Variants in GLDC observed in about 807,000 individuals in gnomAD.
GLDC encodes the protein glycine dehydrogenase (decarboxylating), mitochondrial.
GLDC carries 104 observed loss-of-function variants against 121.3 expected under a neutral mutation model. That is an observed-to-expected ratio of 0.86 (90% CI 0.73 to 1.01). GLDC has a LOEUF of 1.01. Ranked by LOEUF, GLDC falls within the 50% of genes least tolerant of loss-of-function variation. The probability of loss-of-function intolerance (pLI) is 0.00; values close to 1 mark genes in which losing one functional copy is unlikely to be tolerated. For missense variants in GLDC, 1,429 were observed against 1,306.6 expected (o/e 1.09, Z -1.44); for synonymous variants, 546 against 480.6 (o/e 1.14, Z -1.78).
chr9:6,542,867 C>G (rs984437658), intron 21 of GLDC, among the ~76,000 whole-genome samples: 6 of 110,108 alleles, frequency 5.4e-5, no homozygotes, highest in Middle Eastern at 9.6e-3. Flanking sequence ...GCCTGGGTGA[C>G]GGAGTGAGAC....
chr9:6,569,538 G>C (rs1010605951), intron 15 of GLDC, among the ~76,000 whole-genome samples: 4 of 152,120 alleles, frequency 2.6e-5, no homozygotes, highest in Admixed American at 6.5e-5. Flanking sequence ...TTTAGTCCCA[G>C]GTACTCAGGG....
At chr9:6,544,516 C>T (rs1275711381) in intron 21 of GLDC, among the ~76,000 whole-genome samples, 1 of 151,850 alleles carries the variant, frequency 6.6e-6, no homozygotes, top group Admixed American at 6.6e-5. Flanking sequence ...CAGTGGCGGG[C>T]ACCTGTAATC....
intron 21 of GLDC, among the ~76,000 whole-genome samples, chr9:6,547,034 T>C (rs1239077846): frequency 6.6e-6 from 1 of 152,092 alleles, no homozygotes; most frequent in East Asian, 1.9e-4. Flanking sequence ...CAGCATAGTC[T>C]TTATCATTAT....
At chr9:6,600,193 G>A (rs376991055) in intron 8 of GLDC, among the ~76,000 whole-genome samples, 2 of 152,032 alleles carry the variant, frequency 1.3e-5, no homozygotes, top group Non-Finnish European at 2.9e-5. Context: ...GTGAGACCTC[G>A]CCTCTACAAA....
Position 6,546,132 on chromosome 9 carries a change from C to G in GLDC, c.2569+4671G>C, listed in dbSNP as rs543552032. Among the ~76,000 whole-genome samples, 17 of 152,106 alleles carry G rather than the reference C, an allele frequency of 1.1e-4. No individual in the cohort carries two copies. The East Asian group carries it at 2.7e-3, about 24-fold the overall frequency. On this transcript the variant is annotated intron_variant, in intron 21 of 24. Transcript: ENST00000321612. ...AACTTTTTTGTTAAAAACTAAGACA[C>G]AAACACACACCTTTGTCTAGGCCTA...
At chr9:6,534,873 G>T in intron 23 of GLDC, 85 bp from the exon 24 acceptor site, 1 of 762,738 alleles carries the variant, frequency 1.3e-6, no homozygotes, top group South Asian at 1.4e-5. Context: ...TCAATCTTCT[G>T]ACAGGAGCCC....
Position 6,605,133 on chromosome 9 carries a change from C to A in GLDC, c.859G>T (p.Gly287Trp), listed in dbSNP as rs1291181951. The change falls in exon 6 of 25, where the codon GGG becomes TGG. Residue 287 changes from glycine to tryptophan, a missense_variant and splice_region_variant. Gly to Trp is a radical substitution (Grantham distance 184). Transcript: ENST00000321612. ...TELVERAHQS[G>W]SLACCATDLL... Reference sequence around the variant, plus strand: ...CCCCACAAGAAAGGTATACCTACCCCACTCTGATGAGCTCTCTCCACGAGT... The same window carrying A: ...CCCCACAAGAAAGGTATACCTACCCAACTCTGATGAGCTCTCTCCACGAGT... 2 of 1,612,372 alleles carry A rather than the reference C, an allele frequency of 1.2e-6. No individual in the cohort carries two copies. The highest frequency in any genetic ancestry group is 1.7e-6 in the Non-Finnish European group (2 of 1,179,902).
chr9:6,565,426 T>C lies in GLDC; in HGVS notation c.1854A>G (p.Gly618=), dbSNP rs1354464032. The C allele has an allele frequency of 6.2e-7, 1 of 1,612,766 alleles. No individual in the cohort carries two copies. ...CCAGTCCAGCATATTCTCCCTGGGC[T>C]CCGCTTGCAAAGACAAGAAGAAAGG... The part of the protein sequence containing the change: ...YDQVCFQPNS[G]AQGEYAGLAT... Residue 618 remains glycine (G), a synonymous_variant, in exon 16 of 25, where the codon GGA becomes GGG. Transcript: ENST00000321612.
At chr9:6,609,534 G>A (rs991298026) in intron 4 of GLDC, among the ~76,000 whole-genome samples, 1 of 151,944 alleles carries the variant, frequency 6.6e-6, no homozygotes, top group Non-Finnish European at 1.5e-5. Context: ...TTGGAACAAC[G>A]GAGAGGCTCC....
Position 6,532,495 on chromosome 9 carries a change from C to T in GLDC, c.*522G>A, listed in dbSNP as rs191365831. ...CGATCAAGATGCTTTTATTAGAATA[C>T]TAATAAATGCAGATTAAAAAAAAAA... On this transcript the variant is annotated 3_prime_UTR_variant, in exon 25 of 25. Transcript: ENST00000321612. 1.3e-5 allele frequency: 2 copies of T among 151,004 alleles called. No individual in the cohort carries two copies. The highest frequency in any genetic ancestry group is 5.1e-5 in the African/African-American group (2 of 39,474). 9.4% of individuals were successfully genotyped at this position (151,004 alleles called of 1,614,324 possible). A position where few individuals can be genotyped will look rare whatever the true frequency, so the allele number is the denominator to read the frequency against.
chr9:6,541,482 T>G (rs533651359), intron 21 of GLDC: 11 of 152,316 alleles, frequency 7.2e-5, no homozygotes, highest in African/African-American at 2.6e-4. Flanking sequence ...TAATAGCCCC[T>G]GAAGACAGTC....
At chr9:6,638,691 T>G (rs892882829) in intron 2 of GLDC, among the ~76,000 whole-genome samples, 3 of 152,140 alleles carry the variant, frequency 2.0e-5, no homozygotes, top group African/African-American at 7.2e-5. Context: ...TGTAAGCCCC[T>G]TGGAGATAGT....
intron 9 of GLDC, among the ~76,000 whole-genome samples, chr9:6,594,658 G>A (rs1452189929): frequency 6.6e-6 from 1 of 152,038 alleles, no homozygotes; most frequent in African/African-American, 2.4e-5. Flanking sequence ...TCGTGCCACT[G>A]CACTCCAGCC....
At chr9:6,624,302 G>C (rs1819186894) in intron 2 of GLDC, among the ~76,000 whole-genome samples, 1 of 152,176 alleles carries the variant, frequency 6.6e-6, no homozygotes, top group African/African-American at 2.4e-5. Flanking sequence ...ATGTAACCAA[G>C]TTAAAATGAG....
At chr9:6,644,381 G>A (rs1199205136) in intron 2 of GLDC, 1 of 592,570 alleles carries the variant, frequency 1.7e-6, no homozygotes, top group Non-Finnish European at 3.0e-6. Flanking sequence ...GGGGCCCTAG[G>A]ATAAAGACCA....
In GLDC at chr9:6,604,611, A is replaced by C. The variant is rs759830992; in HGVS notation, c.1035T>G (p.Pro345=). The stretch of plus-strand genomic sequence containing the variant: ...ACCTTGTTACCCCCACCATTCTTCC[A>C]GGCATCATTCTCACCAAGCTTTCTC... The part of the protein sequence containing the change: ...AVRESLVRMM[P]GRMVGVTRDA... The change falls in exon 7 of 25, where the codon CCT becomes CCG. Residue 345 remains proline, a synonymous_variant. Transcript: ENST00000321612. 1.7e-5 allele frequency: 28 copies of C among 1,612,708 alleles called. No individual in the cohort carries two copies. Among genetic ancestry groups the C allele is most frequent in the Middle Eastern group, 2.0e-4 (1 of 5,098 alleles).
chr9:6,640,071 ACAAC>A (rs1348275107), intron 2 of GLDC, among the ~76,000 whole-genome samples: 1 of 152,160 alleles, frequency 6.6e-6, no homozygotes, highest in South Asian at 2.1e-4. Flanking sequence ...TCCCTTGTAA[ACAAC>A]CTCCAATCAG....
At position 6,588,607 on chromosome 9, in the gene GLDC, C is replaced by A. The variant is rs776803309; in HGVS notation, c.1665+11G>T. The A allele has an allele frequency of 3.1e-6, 5 of 1,598,556 alleles. No homozygotes were observed. The highest frequency in any genetic ancestry group is 4.3e-6 in the Non-Finnish European group (5 of 1,165,902). ...AGCTTGGAAATGAGAAAAAAGGCCACAAATAACTACCAGTGGAATCATGCT... is the reference window on the plus strand; with the variant it reads ...AGCTTGGAAATGAGAAAAAAGGCCAAAAATAACTACCAGTGGAATCATGCT... On this transcript the variant is annotated intron_variant, in intron 13 of 24. Transcript: ENST00000321612.
chr9:6,572,682 G>T (rs573510546), intron 15 of GLDC, among the ~76,000 whole-genome samples: 6 of 152,276 alleles, frequency 3.9e-5, no homozygotes, highest in African/African-American at 1.4e-4. Flanking sequence ...GTGACTCTTC[G>T]CATGGTGAGA....
Sources: gnomAD v4.1 joint callset for allele counts (sites outside exome capture counted in the v4.1 genomes callset) on GRCh38, gnomAD v4.1.1 for gene constraint, MANE v1.5 for transcripts, NCBI Gene and HGNC (gene_info 2026-07-23, HGNC 2026-07-21) for gene names.